COL15A1: variants seen among roughly 807,000 people sequenced by gnomAD.
COL15A1 encodes the protein collagen type XV alpha 1 chain.
COL15A1 carries 111 observed loss-of-function variants against 165.9 expected under a neutral mutation model. That is an observed-to-expected ratio of 0.67 (90% confidence interval 0.57 to 0.78). COL15A1 has a LOEUF of 0.78. COL15A1 is among the 30% of genes least tolerant of loss of function. The pLI is 0.00. For synonymous variants in COL15A1, 659 were observed against 674.8 expected, an observed-to-expected ratio of 0.98 and a Z score of 0.36; for missense variants, 1,745 against 1,789.7, an observed-to-expected ratio of 0.98 and a Z score of 0.45.
intron 30 of COL15A1, among the ~76,000 whole-genome samples, chr9:99,050,923 T>A (rs1180544755): frequency 6.6e-6 from 1 of 152,214 alleles, no homozygotes; most frequent in Non-Finnish European, 1.5e-5. Context: ...GCTCAGGGCC[T>A]GGGAACTCTG....
intron 2 of COL15A1, among the ~76,000 whole-genome samples, chr9:98,973,277 G>A (rs1246203186): frequency 6.6e-6 from 1 of 151,966 alleles, no homozygotes; most frequent in African/African-American, 2.4e-5. Context: ...AGAGAGGGAG[G>A]AGAGCTTATA....
intron 6 of COL15A1, chr9:98,997,716 T>C (rs1187863361): frequency 6.6e-6 from 1 of 152,402 alleles, no homozygotes; most frequent in Non-Finnish European, 1.5e-5. Context: ...CATCCAGGGC[T>C]CTGGCCCCTG....
At chr9:98,945,590 A>G (rs1347643234) in intron 2 of COL15A1, among the ~76,000 whole-genome samples, 1 of 152,240 alleles carries the variant, frequency 6.6e-6, no homozygotes, top group Non-Finnish European at 1.5e-5. Flanking sequence ...AAGAAGCCCA[A>G]GACAGCCCAT....
At chr9:98,964,131 A>G (rs1192997849) in intron 2 of COL15A1, among the ~76,000 whole-genome samples, 1 of 152,212 alleles carries the variant, frequency 6.6e-6, no homozygotes, top group East Asian at 1.9e-4. Context: ...CTGGCATCAA[A>G]TTCCACGTCC....
chr9:98,990,159 A>G (rs1402986315), intron 5 of COL15A1, among the ~76,000 whole-genome samples: 1 of 152,226 alleles, frequency 6.6e-6, no homozygotes, highest in East Asian at 1.9e-4. Context: ...TAGCACTGGA[A>G]GGACCCAAAG....
intron 14 of COL15A1, 67 bp downstream of exon 14, chr9:99,023,516 C>T (rs1411964711): frequency 1.1e-5 from 9 of 782,832 alleles, no homozygotes; most frequent in East Asian, 7.5e-5. Flanking sequence ...GAGGGAGGGA[C>T]GTGGGGGCCA....
chr9:98,962,296 G>A (rs1255042633), intron 2 of COL15A1, among the ~76,000 whole-genome samples: 1 of 152,148 alleles, frequency 6.6e-6, no homozygotes, highest in Non-Finnish European at 1.5e-5. Context: ...TTTAGACATG[G>A]TTGTACCCGT....
chr9:99,002,072 T>A (rs1838665771), intron 7 of COL15A1, among the ~76,000 whole-genome samples: 1 of 141,042 alleles, frequency 7.1e-6, no homozygotes, highest in African/African-American at 2.6e-5. Flanking sequence ...CCCTTCTCCA[T>A]CCCCCTCCCC....
intron 16 of COL15A1, among the ~76,000 whole-genome samples, chr9:99,031,500 G>A (rs1839212646): frequency 6.6e-6 from 1 of 152,214 alleles, no homozygotes; most frequent in African/African-American, 2.4e-5. Context: ...AGTCTGTGAA[G>A]GAGAAAGGGG....
chr9:99,031,720 G>A (rs1588524173), intron 16 of COL15A1, among the ~76,000 whole-genome samples: 1 of 152,204 alleles, frequency 6.6e-6, no homozygotes, highest in East Asian at 1.9e-4. Flanking sequence ...AAGTGCCTTC[G>A]GGCTGGTAGG....
chr9:98,994,360 C>T (rs1005432022), intron 5 of COL15A1, among the ~76,000 whole-genome samples: 4 of 152,284 alleles, frequency 2.6e-5, no homozygotes, highest in Non-Finnish European at 4.4e-5. Context: ...CCCTCCATGG[C>T]GCCTTAGTTC....
rs570389236 is a variant in COL15A1 at position 99,014,984 on chromosome 9, T to C, written c.1354-433T>C. Among the ~76,000 whole-genome samples, 6 of 152,358 alleles carry C rather than the reference T, an allele frequency of 3.9e-5. No individual in the cohort carries two copies. The South Asian group carries it at 8.3e-4, about 21-fold the overall frequency. ...GACTTTGAGTTCCATCTGTCCTTTG[T>C]CTGCAAGGAATTTCCTTATGGACAA... On this transcript the variant is annotated intron_variant, in intron 9 of 41. Transcript: ENST00000375001.
chr9:98,991,331 G>C (rs1838426353), intron 5 of COL15A1, among the ~76,000 whole-genome samples: 1 of 152,168 alleles, frequency 6.6e-6, no homozygotes, highest in Non-Finnish European at 1.5e-5. Context: ...AGAGCTGATT[G>C]GTCCGTTTTA....
intron 36 of COL15A1, 152 bp downstream of exon 36, chr9:99,060,105 G>T (rs1053014837): frequency 6.6e-5 from 53 of 800,678 alleles, no homozygotes; most frequent in African/African-American, 5.2e-4. Flanking sequence ...GAAGGGATTT[G>T]TTATCTATTT....
intron 2 of COL15A1, among the ~76,000 whole-genome samples, chr9:98,966,584 A>G (rs531443044): frequency 2.0e-5 from 3 of 152,308 alleles, no homozygotes; most frequent in South Asian, 2.1e-4. Flanking sequence ...CACCCAGACC[A>G]TGTTGCAGAG....
At chr9:99,002,783 G>A (rs1369385450) in intron 7 of COL15A1, among the ~76,000 whole-genome samples, 2 of 152,226 alleles carry the variant, frequency 1.3e-5, no homozygotes, top group African/African-American at 4.8e-5. Context: ...TCTTTTTATA[G>A]ATTCTGAGAA....
intron 2 of COL15A1, among the ~76,000 whole-genome samples, chr9:98,958,561 C>T (rs1837814999): frequency 6.6e-6 from 1 of 152,168 alleles, no homozygotes; most frequent in African/African-American, 2.4e-5. Context: ...TTCCATGTGA[C>T]ATATTTTCTA....
intron 2 of COL15A1, among the ~76,000 whole-genome samples, chr9:98,974,760 C>A (rs563350756): frequency 2.0e-5 from 3 of 152,232 alleles, no homozygotes. Flanking sequence ...TGGGAATACA[C>A]CCACCCGCTT....
chr9:99,056,201 A>G (rs537055425), intron 34 of COL15A1, 59 bp from the exon 35 acceptor site: 1 of 1,515,570 alleles, frequency 6.6e-7, no homozygotes, highest in Non-Finnish European at 9.2e-7. Flanking sequence ...AAAGGACTAG[A>G]TGGGACTTCG....
Sources: allele counts gnomAD v4.1 joint callset (sites outside exome capture counted in the v4.1 genomes callset), GRCh38; gene constraint gnomAD v4.1.1; transcripts MANE v1.5; gene names NCBI Gene and HGNC (gene_info 2026-07-23, HGNC 2026-07-21).